Variants in ZNF184 observed in about 807,000 individuals in gnomAD.
ZNF184 encodes zinc finger protein 184 (Kruppel-like).
In ZNF184, 16 loss-of-function variants were observed where a neutral mutation model predicts 54.4. The observed-to-expected ratio is 0.29, with a 90% CI of 0.20 to 0.45. The LOEUF is 0.45. ZNF184 is among the 20% of genes least tolerant of loss of function. The pLI, the probability that ZNF184 is intolerant of heterozygous loss-of-function variation, is 1.00. For missense variants in ZNF184, 681 were observed against 888.2 expected, an observed-to-expected ratio of 0.77 and a Z score of 2.97; for synonymous variants, 254 against 295.3, an observed-to-expected ratio of 0.86 and a Z score of 1.43.
chr6:27,434,567 A>G, the ZNF184 span, among the ~76,000 whole-genome samples: 1 of 152,078 alleles, frequency 6.6e-6, no homozygotes, highest in Non-Finnish European at 1.5e-5. Context: ...TTAATCCCTT[A>G]TCAGATATAT....
At chr6:27,424,866 G>T in the ZNF184 span, among the ~76,000 whole-genome samples, 3 of 152,226 alleles carry the variant, frequency 2.0e-5, no homozygotes. Context: ...ACTGGGCGCC[G>T]TGGAACAGGG....
the ZNF184 span, among the ~76,000 whole-genome samples, chr6:27,434,326 G>T: frequency 1.3e-5 from 2 of 152,130 alleles, no homozygotes; most frequent in Admixed American, 1.3e-4. Flanking sequence ...CTGCATACTA[G>T]CTAACACTTG....
At chr6:27,471,666 T>C (rs1447719497) in intron 2 of ZNF184, among the ~76,000 whole-genome samples, 2 of 152,182 alleles carry the variant, frequency 1.3e-5, no homozygotes, top group Non-Finnish European at 2.9e-5. Flanking sequence ...AGTGAGGCTA[T>C]ATTGCTTAGA....
chr6:27,467,761 G>C, intron 3 of ZNF184, 92 bp downstream of exon 3: 1 of 1,261,748 alleles, frequency 7.9e-7, no homozygotes, highest in Non-Finnish European at 1.1e-6. Context: ...TGCCAACATT[G>C]ATTTTTGGAT....
At chr6:27,439,385 C>T in the ZNF184 span, among the ~76,000 whole-genome samples, 3 of 152,118 alleles carry the variant, frequency 2.0e-5, no homozygotes, top group African/African-American at 7.2e-5. Context: ...AATCTCATGC[C>T]ATCCGGTTTC....
chr6:27,417,862 T>C, the ZNF184 span, among the ~76,000 whole-genome samples: 2 of 152,240 alleles, frequency 1.3e-5, no homozygotes, highest in African/African-American at 4.8e-5. Flanking sequence ...TTATATGTAC[T>C]GAGCACTCCA....
chr6:27,457,564 C>T (rs556993744), intron 3 of ZNF184, among the ~76,000 whole-genome samples, 155 bp from the exon 4 acceptor site: 7 of 152,196 alleles, frequency 4.6e-5, no homozygotes, highest in African/African-American at 9.7e-5. Flanking sequence ...AACAGTGCCT[C>T]ATCCATTGGG....
chr6:27,423,422 G>T, the ZNF184 span, among the ~76,000 whole-genome samples: 2 of 151,940 alleles, frequency 1.3e-5, no homozygotes, highest in Non-Finnish European at 2.9e-5. Flanking sequence ...TATTTTCCAA[G>T]CCTATTACAT....
rs754341207 is a variant in ZNF184 at position 27,453,698 on chromosome 6, A to C, written c.299-438T>G. Among the ~76,000 whole-genome samples, 8 of 152,236 alleles carry C rather than the reference A, an allele frequency of 5.3e-5. No individual in the cohort carries two copies. Among genetic ancestry groups the C allele is most frequent in the Non-Finnish European group, 1.0e-4 (7 of 68,040 alleles). On this transcript the variant is annotated intron_variant, in intron 5 of 5. Transcript: ENST00000683788. The surrounding 1 kb of genome is among the most constrained non-coding windows in gnomAD (Gnocchi z 4.7). ...TATTAGCTAAGACCCCATGTGTTTC[A>C]GCCTGGAACACTGAAGAAATAATCA... is the stretch of plus-strand genomic sequence containing the variant.
the ZNF184 span, among the ~76,000 whole-genome samples, chr6:27,442,437 AAGTGAGACCCTGTCTCT>A: frequency 1.3e-5 from 2 of 151,964 alleles, no homozygotes; most frequent in African/African-American, 4.8e-5. Context: ...CTGGGAAACA[AAGTGAGACCCTGTCTCT>A]ACAAAAAATA....
chr6:27,451,916 T>C lies in ZNF184; in HGVS notation c.1643A>G (p.His548Arg). The change falls in exon 6 of 6, where the codon CAT becomes CGT. Residue 548 changes from histidine (H) to arginine (R), a missense_variant. Coordinates refer to ENST00000683788, the MANE Select transcript of ZNF184 (RefSeq NM_001318891.2). Reference sequence around the variant, plus strand: ...TTTCTCTCCAGTATGAATTCTTTCATGCTTAGCAAGAGATGAACTCCGAAT... The same window carrying C: ...TTTCTCTCCAGTATGAATTCTTTCACGCTTAGCAAGAGATGAACTCCGAAT... ...AFIRSSSLAK[H>R]ERIHTGEKPY... 1.2e-6 allele frequency: 2 copies of C among 1,612,716 alleles called. No homozygotes were observed. Among genetic ancestry groups the C allele is most frequent in the Non-Finnish European group, 1.7e-6 (2 of 1,180,002 alleles).
Sources: gnomAD v4.1 joint callset for allele counts (sites outside exome capture counted in the v4.1 genomes callset) on GRCh38, gnomAD v4.1.1 for gene constraint, Gnocchi (gnomAD v3.1) non-coding constraint, MANE v1.5 for transcripts, NCBI Gene and HGNC (gene_info 2026-07-23, HGNC 2026-07-21) for gene names.